MYO7A: variants seen among roughly 807,000 people sequenced by gnomAD.
MYO7A encodes unconventional myosin-VIIa.
MYO7A carries 210 observed loss-of-function variants against 263.8 expected under a neutral mutation model. The ratio of observed to expected loss-of-function variants is 0.80; its 90% confidence interval spans 0.71 to 0.89. The LOEUF (loss-of-function observed/expected upper bound fraction) is 0.89. MYO7A is among the 40% of genes least tolerant of loss of function. The pLI is 0.00. For synonymous variants in MYO7A, 1,239 were observed against 1,197.3 expected, an observed-to-expected ratio of 1.03 and a Z score of -0.72; for missense variants, 2,820 against 2,968.3, an observed-to-expected ratio of 0.95 and a Z score of 1.16.
In MYO7A at chr11:77,155,959, T is replaced by C. The variant is rs1168387013; in HGVS notation, c.338T>C (p.Ile113Thr). ...GTGAACCCCTACCAGCTGCTCTCCA[T>C]CTACTCGCCAGAGCACATCCGCCAG... is the stretch of plus-strand genomic sequence containing the variant. ...VAVNPYQLLS[I>T]YSPEHIRQYT... Residue 113 changes from isoleucine to threonine, a missense_variant, in exon 5 of 49, where the codon ATC becomes ACC. Transcript: ENST00000409709. The C allele has an allele frequency of 3.1e-6, 5 of 1,612,620 alleles. No homozygotes were observed. The Middle Eastern group carries it at 6.6e-4, about 212-fold the overall frequency.
Position 77,192,200 on chromosome 11 carries a change from C to G in MYO7A, c.4074C>G (p.Ser1358=), listed in dbSNP as rs78996818. 4 of 1,614,052 alleles carry G rather than the reference C, an allele frequency of 2.5e-6. No individual in the cohort carries two copies. The highest frequency in any genetic ancestry group is 3.4e-6 in the Non-Finnish European group (4 of 1,179,906). The change falls in exon 31 of 49, where the codon TCC becomes TCG. Residue 1358 remains serine (S), a synonymous_variant. Coordinates refer to ENST00000409709, the MANE Select transcript of MYO7A (RefSeq NM_000260.4). ...TCTTCACGCCCTGGCACAGCCCCTC[C>G]GAGGACAACGTGGCCACCAACCTCA... The part of the protein sequence containing the change: ...KEVFTPWHSP[S]EDNVATNLIY...
chr11:77,147,965 GC>G lies in MYO7A; in HGVS notation c.285+18del. On this transcript the variant is annotated intron_variant, in intron 4 of 48. Coordinates refer to ENST00000409709, the MANE Select transcript of MYO7A (RefSeq NM_000260.4). ...ACCTCATCTACGTGAGTGCCGCCCC[GC>G]CCGGTGCCCGTCCAGGCCCCCTCAG... 6.6e-7 allele frequency: 1 copy of G among 1,521,952 alleles called. No homozygotes were observed. Among genetic ancestry groups the G allele is most frequent in the South Asian group, 1.2e-5 (1 of 81,916 alleles). 94.3% of individuals were successfully genotyped at this position (1,521,952 alleles called of 1,614,324 possible).
At chr11:77,212,135 A>G (rs1019927514) in intron 46 of MYO7A, 198 bp downstream of exon 46, 1 of 683,934 alleles carries the variant, frequency 1.5e-6, no homozygotes, top group Admixed American at 2.0e-5. Flanking sequence ...GGACCAGAAG[A>G]AGCTCAGCCT....
chr11:77,174,673 TTGTC>T, intron 16 of MYO7A, 79 bp from the exon 17 acceptor site: 4 of 1,437,586 alleles, frequency 2.8e-6, no homozygotes, highest in Non-Finnish European at 3.7e-6. Flanking sequence ...TTCTGAGCCT[TTGTC>T]TGGGTTGGTC....
chr11:77,137,068 G>A (rs1192169318), intron 2 of MYO7A, among the ~76,000 whole-genome samples: 1 of 152,220 alleles, frequency 6.6e-6, no homozygotes, highest in Non-Finnish European at 1.5e-5. Flanking sequence ...CCTTGTGTCT[G>A]AGGTCTGGGT....
intron 38 of MYO7A, 98 bp from the exon 39 acceptor site, chr11:77,203,978 C>T (rs1380490886): frequency 4.4e-6 from 6 of 1,349,296 alleles, no homozygotes; most frequent in Non-Finnish European, 6.0e-6. Context: ...CCCAGGGTCA[C>T]AGCTTCAGGT....
At chr11:77,153,985 C>T (rs1430016760) in intron 4 of MYO7A, among the ~76,000 whole-genome samples, 1 of 152,174 alleles carries the variant, frequency 6.6e-6, no homozygotes, top group African/African-American at 2.4e-5. Flanking sequence ...CATGGTGGCA[C>T]ATGCCTAGAA....
Position 77,155,536 on chromosome 11 carries a change from C to A in MYO7A, c.286-371C>A, listed in dbSNP as rs919158779. On this transcript the variant is annotated intron_variant, in intron 4 of 48. Coordinates refer to ENST00000409709, the MANE Select transcript of MYO7A (RefSeq NM_000260.4). Reference sequence around the variant, plus strand: ...AAGTTTGGGATACAGGGCCTGGAGGCGATGGTGGGAGACAGCATTTGCAGA... The same window carrying A: ...AAGTTTGGGATACAGGGCCTGGAGGAGATGGTGGGAGACAGCATTTGCAGA... Among the ~76,000 whole-genome samples, 3 of 152,202 alleles carry A rather than the reference C, an allele frequency of 2.0e-5. No homozygotes were observed. The South Asian group carries it at 6.2e-4, about 32-fold the overall frequency.
intron 18 of MYO7A, 27 bp downstream of exon 18, chr11:77,175,491 G>T: frequency 6.2e-7 from 1 of 1,603,260 alleles, no homozygotes; most frequent in Non-Finnish European, 8.5e-7. Flanking sequence ...TCCCTGGGCT[G>T]CCCTGGGGGG....
chr11:77,190,840 G>A lies in MYO7A; in HGVS notation c.3894G>A (p.Gly1298=), dbSNP rs759367741. Residue 1298 remains glycine, a synonymous_variant, in exon 30 of 49, where the codon GGG becomes GGA. Coordinates refer to ENST00000409709, the MANE Select transcript of MYO7A (RefSeq NM_000260.4). Reference sequence around the variant, plus strand: ...AGATCTCTCTCAAGGACCGGTTCGGGTTCTCCCTCTACATTGCCCTGTTTG... The same window carrying A: ...AGATCTCTCTCAAGGACCGGTTCGGATTCTCCCTCTACATTGCCCTGTTTG... ...ADKISLKDRF[G]FSLYIALFDK... is the part of the protein sequence containing the mutation. 9 of 1,586,002 alleles carry A rather than the reference G, an allele frequency of 5.7e-6. No individual in the cohort carries two copies. The highest frequency in any genetic ancestry group is 5.1e-6 in the Non-Finnish European group (6 of 1,166,538).
At chr11:77,135,820 T>G (rs1555047199) in intron 2 of MYO7A, among the ~76,000 whole-genome samples, 1 of 152,200 alleles carries the variant, frequency 6.6e-6, no homozygotes, top group African/African-American at 2.4e-5. Context: ...TTGATTTGCA[T>G]TATCCTAATG....
chr11:77,181,103 G>A (rs549207996), intron 22 of MYO7A, among the ~76,000 whole-genome samples: 1 of 152,328 alleles, frequency 6.6e-6, no homozygotes, highest in East Asian at 1.9e-4. Flanking sequence ...GCCAATGGCC[G>A]TGGGATGTCT....
intron 26 of MYO7A, among the ~76,000 whole-genome samples, chr11:77,184,089 G>C (rs1955470481): frequency 6.6e-6 from 1 of 152,210 alleles, no homozygotes; most frequent in South Asian, 2.1e-4. Flanking sequence ...GCTGTGGGCT[G>C]TGTGGGATGA....
chr11:77,156,648 C>T lies in MYO7A; in HGVS notation c.471-12C>T. The T allele has an allele frequency of 6.2e-7, 1 of 1,613,276 alleles. No homozygotes were observed. The highest frequency in any genetic ancestry group is 8.5e-7 in the Non-Finnish European group (1 of 1,179,558). On this transcript the variant is annotated splice_polypyrimidine_tract_variant and intron_variant, in intron 5 of 48. Transcript: ENST00000409709. ...GGGTTGTGACAGGTCCTGCCACTCC[C>T]TCCCTCTGCAGTGGGGAATCTGGGG...
intron 34 of MYO7A, 140 bp from the exon 35 acceptor site, chr11:77,199,395 C>G: frequency 2.4e-6 from 2 of 829,594 alleles, no homozygotes; most frequent in Non-Finnish European, 3.4e-6. Context: ...AGAAGTAGGC[C>G]GGGCCACTGT....
At chr11:77,194,116 C>T (rs1388594444) in intron 31 of MYO7A, 1 of 685,122 alleles carries the variant, frequency 1.5e-6, no homozygotes, top group Admixed American at 2.0e-5. Flanking sequence ...CAGCTCCATG[C>T]CAGTGCCAGA....
At chr11:77,199,485 C>G (rs1258349132) in intron 34 of MYO7A, 50 bp from the exon 35 acceptor site, 1 of 1,437,554 alleles carries the variant, frequency 7.0e-7, no homozygotes, top group Non-Finnish European at 9.2e-7. Flanking sequence ...TGGGCCACGT[C>G]TCCCACTGGT....
chr11:77,197,027 G>T (rs1956713904), intron 32 of MYO7A, among the ~76,000 whole-genome samples: 1 of 152,164 alleles, frequency 6.6e-6, no homozygotes, highest in African/African-American at 2.4e-5. Flanking sequence ...TCAGTTTCTT[G>T]CAGTTGTGGC....
At chr11:77,175,913 A>G (rs1954615548) in intron 18 of MYO7A, among the ~76,000 whole-genome samples, 1 of 152,042 alleles carries the variant, frequency 6.6e-6, no homozygotes, top group South Asian at 2.1e-4. Context: ...CCTGTCCGTC[A>G]CTCTGTAGGG....
Sources: gnomAD v4.1 joint callset for allele counts (sites outside exome capture counted in the v4.1 genomes callset) on GRCh38, gnomAD v4.1.1 for gene constraint, MANE v1.5 for transcripts, NCBI Gene and HGNC (gene_info 2026-07-23, HGNC 2026-07-21) for gene names.